The following SDK1 variants were observed in gnomAD, a reference collection of about 807,000 sequenced individuals.
SDK1 encodes protein sidekick-1.
In SDK1, 157 loss-of-function variants were observed where a neutral mutation model predicts 245.5. The ratio of observed to expected loss-of-function variants is 0.64; its 90% CI spans 0.56 to 0.73. SDK1 has a LOEUF of 0.73. Among genes scored for constraint, SDK1 ranks in the 30% least tolerant of loss-of-function variants. The pLI is 0.00. For synonymous variants in SDK1, 1,647 were observed against 1,278.5 expected (o/e 1.29, Z -6.15); for missense variants, 3,583 against 3,002.3 (o/e 1.19, Z -4.52).
chr7:3,380,043 T>G (rs1350120247), intron 1 of SDK1, among the ~76,000 whole-genome samples: 1 of 152,224 alleles, frequency 6.6e-6, no homozygotes, highest in African/African-American at 2.4e-5. Context: ...CCAAAAACGT[T>G]GTCTGTGAGA....
intron 4 of SDK1, 76 bp from the exon 5 acceptor site, chr7:3,821,374 G>A: frequency 2.0e-6 from 3 of 1,495,282 alleles, no homozygotes; most frequent in Middle Eastern, 1.8e-4. Flanking sequence ...TTTATAGTTG[G>A]CCTAATTAAT....
At chr7:3,608,574 C>T (rs755206944) in intron 1 of SDK1, among the ~76,000 whole-genome samples, 1 of 152,140 alleles carries the variant, frequency 6.6e-6, no homozygotes, top group African/African-American at 2.4e-5. Flanking sequence ...GACACTTTCG[C>T]ATTATTTAAG....
At chr7:4,031,556 A>G (rs1190744167) in intron 17 of SDK1, among the ~76,000 whole-genome samples, 2 of 152,170 alleles carry the variant, frequency 1.3e-5, no homozygotes, top group African/African-American at 4.8e-5. Flanking sequence ...GAGAGAAAAC[A>G]GACCAAATAA....
intron 1 of SDK1, among the ~76,000 whole-genome samples, chr7:3,412,880 G>C (rs933780778): frequency 6.6e-6 from 1 of 152,190 alleles, no homozygotes; most frequent in Non-Finnish European, 1.5e-5. Flanking sequence ...CTAATGACCA[G>C]TTGAGATTAA....
At chr7:3,903,064 T>TC (rs1368236232) in intron 5 of SDK1, among the ~76,000 whole-genome samples, 1 of 151,974 alleles carries the variant, frequency 6.6e-6, no homozygotes, top group African/African-American at 2.4e-5. Flanking sequence ...GAAATGCAAA[T>TC]CAATACCACA....
chr7:4,209,213 T>C (rs1784390721), intron 37 of SDK1, among the ~76,000 whole-genome samples: 1 of 152,034 alleles, frequency 6.6e-6, no homozygotes, highest in South Asian at 2.1e-4. Flanking sequence ...GAGATGAGGG[T>C]AGAGCCATGT....
chr7:3,771,582 C>G (rs565893119), intron 4 of SDK1, among the ~76,000 whole-genome samples: 2 of 152,174 alleles, frequency 1.3e-5, no homozygotes, highest in Non-Finnish European at 2.9e-5. Context: ...CTCTTTGATT[C>G]ATAGGATGGA....
At chr7:4,069,905 G>T (rs1241313694) in intron 20 of SDK1, among the ~76,000 whole-genome samples, 1 of 152,162 alleles carries the variant, frequency 6.6e-6, no homozygotes, top group Non-Finnish European at 1.5e-5. Flanking sequence ...CACAGCCAAT[G>T]GGCATGTGCG....
rs573936719 is a variant in SDK1 at position 3,616,414 on chromosome 7, A to G, written c.299-2666A>G. 3.5e-4 allele frequency among the ~76,000 whole-genome samples: 53 copies of G among 152,090 alleles called. No individual in the cohort carries two copies. In the South Asian group the frequency reaches 9.4e-3, roughly 27 times the overall value. On this transcript the variant is annotated intron_variant, in intron 1 of 44. Coordinates refer to ENST00000404826, the MANE Select transcript of SDK1 (RefSeq NM_152744.4). ...GGCCCTGCTCATCCCACTTCCAGTC[A>G]CTCTCTTTGCACCTGCAGAAAGTCT...
At chr7:3,689,806 T>C (rs1784395938) in intron 4 of SDK1, among the ~76,000 whole-genome samples, 1 of 152,212 alleles carries the variant, frequency 6.6e-6, no homozygotes, top group Non-Finnish European at 1.5e-5. Context: ...TTCATAATTC[T>C]AAATTATTTT....
At chr7:3,576,131 C>T (rs534655838) in intron 1 of SDK1, among the ~76,000 whole-genome samples, 1 of 152,134 alleles carries the variant, frequency 6.6e-6, no homozygotes. Context: ...TTATTTCCAG[C>T]TGTCATCAGA....
chr7:3,811,097 C>G (rs946969256), intron 4 of SDK1, among the ~76,000 whole-genome samples: 1 of 152,202 alleles, frequency 6.6e-6, no homozygotes, highest in African/African-American at 2.4e-5. Flanking sequence ...ACCTGATGAA[C>G]CAGATTCAGA....
intron 5 of SDK1, among the ~76,000 whole-genome samples, chr7:3,902,765 C>G (rs1781832829): frequency 6.6e-6 from 1 of 152,182 alleles, no homozygotes; most frequent in Non-Finnish European, 1.5e-5. Context: ...TCATAAAGAG[C>G]TGTTTTCAAA....
At chr7:3,655,326 G>T (rs1420328221) in intron 4 of SDK1, among the ~76,000 whole-genome samples, 1 of 150,420 alleles carries the variant, frequency 6.6e-6, no homozygotes, top group East Asian at 2.0e-4. Flanking sequence ...CCAGCTACTC[G>T]GGAGGCTGAG....
chr7:4,122,992 C>T (rs77118325), intron 25 of SDK1, among the ~76,000 whole-genome samples: 5,647 of 152,280 alleles, frequency 0.037, 268 homozygotes, highest in African/African-American at 0.11. Context: ...AGTTCAGCTG[C>T]GTTCAAAGCC....
chr7:4,091,366 A>G lies in SDK1; in HGVS notation c.3324+11782A>G, dbSNP rs1303719718. ...TTTTTTTTTTTTTTTTGTTTGAGAC[A>G]GAGTCTCACTCTGTCACCCAGGCTG... On this transcript the variant is annotated intron_variant, in intron 22 of 44. Coordinates refer to ENST00000404826, the MANE Select transcript of SDK1 (RefSeq NM_152744.4). Among the ~76,000 whole-genome samples, 7 of 78,356 alleles carry G rather than the reference A, an allele frequency of 8.9e-5. No individual in the cohort carries two copies. The East Asian group carries it at 1.7e-3, about 19-fold the overall frequency. The allele number at this position is 78,356 out of a possible 152,430, so 51.4% of individuals were successfully genotyped here.
intron 35 of SDK1, among the ~76,000 whole-genome samples, chr7:4,201,874 A>G (rs1031810014): frequency 2.0e-5 from 3 of 152,226 alleles, no homozygotes; most frequent in Non-Finnish European, 4.4e-5. Context: ...AGCATGGCAC[A>G]GGGTGGTTCT....
chr7:3,346,997 T>C (rs1780526308), intron 1 of SDK1, among the ~76,000 whole-genome samples: 1 of 151,236 alleles, frequency 6.6e-6, no homozygotes, highest in East Asian at 2.0e-4. Flanking sequence ...TTCTCCTCCT[T>C]CTCTGCTAAA....
intron 14 of SDK1, among the ~76,000 whole-genome samples, chr7:4,009,680 C>A (rs765822128): frequency 3.3e-4 from 50 of 152,342 alleles, no homozygotes; most frequent in Admixed American, 1.2e-3. Flanking sequence ...TAAAAAGATC[C>A]CATCTTCATC....
Sources: allele counts gnomAD v4.1 joint callset (sites outside exome capture counted in the v4.1 genomes callset), GRCh38; gene constraint gnomAD v4.1.1; transcripts MANE v1.5; gene names NCBI Gene and HGNC (gene_info 2026-07-23, HGNC 2026-07-21).